FBXO33: variants seen among roughly 807,000 people sequenced by gnomAD.
FBXO33 encodes the protein F-box protein 33, also known as F-box only protein 33.
Under a neutral mutation model 46.3 loss-of-function variants are expected in FBXO33, and 22 were observed. The ratio of observed to expected loss-of-function variants is 0.48; its 90% confidence interval spans 0.34 to 0.68. FBXO33 has a LOEUF of 0.68. FBXO33 is among the 30% of genes least tolerant of loss of function. The pLI is 0.01. For synonymous variants in FBXO33, 337 were observed against 291.3 expected (o/e 1.16, Z -1.60); for missense variants, 692 against 708.8 (o/e 0.98, Z 0.27).
At chr14:39,421,790 A>T (rs1222610276) in intron 1 of FBXO33, among the ~76,000 whole-genome samples, 1 of 78,198 alleles carries the variant, frequency 1.3e-5, no homozygotes, top group African/African-American at 5.3e-5. Flanking sequence ...TCACACACAC[A>T]CACACACACA....
chr14:39,425,319 C>T (rs916264802), intron 1 of FBXO33, among the ~76,000 whole-genome samples: 1 of 151,946 alleles, frequency 6.6e-6, no homozygotes, highest in African/African-American at 2.4e-5. Context: ...TCCAGAGGAT[C>T]CAAAATTATT....
intron 1 of FBXO33, among the ~76,000 whole-genome samples, chr14:39,431,193 T>C (rs1262288054): frequency 6.6e-6 from 1 of 152,184 alleles, no homozygotes; most frequent in Non-Finnish European, 1.5e-5. Context: ...GTTATGTGTA[T>C]GTTTTGTTTC....
rs2075556798 is a variant in FBXO33, at chr14:39,431,817, G to T, written c.346C>A (p.Arg116Ser). Residue 116 changes from arginine to serine, a missense_variant, in exon 1 of 4, where the codon CGC (arginine) becomes AGC (serine). Coordinates refer to ENST00000298097, the MANE Select transcript of FBXO33 (RefSeq NM_203301.4). ...ALWPQLRICL[R>S]VSPAEQPRLE... is the part of the protein sequence containing the mutation. ...CGAGGCTGCTCCGCGGGCGAGACGC[G>T]GAGGCAGATGCGGAGCTGGGGCCAC... 1.2e-6 allele frequency: 2 copies of T among 1,610,260 alleles called. No homozygotes were observed. The highest frequency in any genetic ancestry group is 1.3e-5 in the African/African-American group (1 of 75,056).
chr14:39,402,930 G>A (rs569708179), intron 1 of FBXO33, among the ~76,000 whole-genome samples: 150 of 152,148 alleles, frequency 9.9e-4, no homozygotes, highest in Non-Finnish European at 1.7e-3. Context: ...AGTGGCATAA[G>A]CTTTAAAGAA....
At chr14:39,423,163 G>T (rs1292519129) in intron 1 of FBXO33, among the ~76,000 whole-genome samples, 1 of 151,870 alleles carries the variant, frequency 6.6e-6, no homozygotes, top group Non-Finnish European at 1.5e-5. Context: ...GGAGAATTTT[G>T]TAATACTCAG....
At chr14:39,431,543 C>A in intron 1 of FBXO33, 21 bp downstream of exon 1, 1 of 1,608,302 alleles carries the variant, frequency 6.2e-7, no homozygotes, top group African/African-American at 1.3e-5. Context: ...CCGGGCGGGG[C>A]GGGGCTCAGG....
At chr14:39,410,350 T>C (rs931913409) in intron 1 of FBXO33, among the ~76,000 whole-genome samples, 6 of 152,246 alleles carry the variant, frequency 3.9e-5, no homozygotes, top group African/African-American at 1.4e-4. Context: ...TTGATGTGCA[T>C]ATGGTGAACC....
chr14:39,431,466 A>C, intron 1 of FBXO33, 98 bp downstream of exon 1: 1 of 1,567,568 alleles, frequency 6.4e-7, no homozygotes, highest in South Asian at 1.1e-5. Flanking sequence ...GCAACACTGA[A>C]GTTGGCCGGG....
intron 1 of FBXO33, among the ~76,000 whole-genome samples, chr14:39,402,754 T>C (rs915806328): frequency 6.7e-6 from 1 of 149,894 alleles, no homozygotes; most frequent in Non-Finnish European, 1.5e-5. Flanking sequence ...GCGATCCCGG[T>C]TCACTGCAGG....
At chr14:39,429,131 C>T (rs954525326) in intron 1 of FBXO33, among the ~76,000 whole-genome samples, 6 of 152,286 alleles carry the variant, frequency 3.9e-5, no homozygotes, top group African/African-American at 1.4e-4. Flanking sequence ...AAGATCAGCA[C>T]CCTTGAAAAG....
chr14:39,414,208 AG>A (rs1000870074), intron 1 of FBXO33, among the ~76,000 whole-genome samples: 2 of 152,198 alleles, frequency 1.3e-5, no homozygotes, highest in African/African-American at 2.4e-5. Flanking sequence ...TTGCATTTTC[AG>A]GGAGGTGACT....
intron 1 of FBXO33, among the ~76,000 whole-genome samples, chr14:39,418,723 C>T (rs1298570017): frequency 2.7e-5 from 4 of 147,212 alleles, no homozygotes; most frequent in African/African-American, 7.6e-5. Flanking sequence ...TGCAGTGAGC[C>T]GAGATCGCGC....
At chr14:39,406,455 T>C (rs868865330) in intron 1 of FBXO33, among the ~76,000 whole-genome samples, 11 of 152,154 alleles carry the variant, frequency 7.2e-5, no homozygotes, top group African/African-American at 1.4e-4. Flanking sequence ...AACAAAATAA[T>C]TGTTTTCAGA....
At chr14:39,406,065 ATATAAG>A (rs1231960349) in intron 1 of FBXO33, among the ~76,000 whole-genome samples, 2 of 151,756 alleles carry the variant, frequency 1.3e-5, no homozygotes, top group Non-Finnish European at 2.9e-5. Context: ...TTACTAACAT[ATATAAG>A]TATGTCTGCT....
At position 39,399,943 on chromosome 14, in the gene FBXO33, G is replaced by A. The variant is rs117654640; in HGVS notation, c.1397-156C>T. Among the ~76,000 whole-genome samples the A allele has an allele frequency of 6.1e-4, 93 of 152,094 alleles. 2 individuals carry two copies. The East Asian group carries it at 0.016, about 26-fold the overall frequency. On this transcript the variant is annotated intron_variant, in intron 3 of 3. Transcript: ENST00000298097. ...TTTCCTTTAGAAATATATTGAAATT[G>A]GAAAAGGAAACATGGTTGTATAGCC...
chr14:39,410,559 C>T (rs2075417780), intron 1 of FBXO33, among the ~76,000 whole-genome samples: 1 of 152,124 alleles, frequency 6.6e-6, no homozygotes, highest in African/African-American at 2.4e-5. Flanking sequence ...AGAAGCGTTC[C>T]CTCTTCCTCA....
At chr14:39,402,356 T>A (rs756482609) in intron 2 of FBXO33, 45 bp downstream of exon 2, 1 of 1,080,134 alleles carries the variant, frequency 9.3e-7, no homozygotes, top group Admixed American at 2.5e-5. Context: ...AGGAAAAACA[T>A]ATTATTAATA....
At chr14:39,427,745 C>T (rs1405710635) in intron 1 of FBXO33, among the ~76,000 whole-genome samples, 2 of 151,984 alleles carry the variant, frequency 1.3e-5, no homozygotes, top group African/African-American at 4.8e-5. Context: ...TAGAGACCAG[C>T]CTGGGCAACA....
rs150275164 is a variant in FBXO33, at chr14:39,431,631, A to G, written c.532T>C (p.Trp178Arg). ...AAGTAGGTGCGCAGCACTTCCAGCC[A>G]ACGAGCTGAGAGCTGCAGGGCCTCG... ...EVEALQLSAR[W>R]LEVLRTYLEL... The change falls in exon 1 of 4, where the codon TGG (tryptophan) becomes CGG (arginine). Residue 178 changes from tryptophan (W) to arginine (R), a missense_variant. Around this residue, in one of 3 missense-constraint regions of FBXO33, gnomAD observed 412 missense variants for 370.8 expected, o/e 1.11. Transcript: ENST00000298097. 3 of 1,613,554 alleles carry G rather than the reference A, an allele frequency of 1.9e-6. No homozygotes were observed. The highest frequency in any genetic ancestry group is 2.5e-6 in the Non-Finnish European group (3 of 1,180,014).
Sources: allele counts gnomAD v4.1 joint callset (sites outside exome capture counted in the v4.1 genomes callset), GRCh38; gene constraint gnomAD v4.1.1; regional missense constraint gnomAD v4.1.1; transcripts MANE v1.5; gene names NCBI Gene and HGNC (gene_info 2026-07-23, HGNC 2026-07-21).